PLEKHA5: variants seen among roughly 807,000 people sequenced by gnomAD.
The protein encoded by PLEKHA5 is pleckstrin homology domain-containing family A member 5.
Under a neutral mutation model 181.9 loss-of-function variants are expected in PLEKHA5, and 55 were observed. The ratio of observed to expected loss-of-function variants is 0.30; its 90% CI spans 0.24 to 0.38. PLEKHA5 has a LOEUF of 0.38. Ranked by LOEUF, PLEKHA5 falls within the 10% of genes least tolerant of loss-of-function variation. PLEKHA5 has a pLI of 1.00. For missense variants in PLEKHA5, 1,432 were observed against 1,549.5 expected, an observed-to-expected ratio of 0.92 and a Z score of 1.27; for synonymous variants, 535 against 529.4, an observed-to-expected ratio of 1.01 and a Z score of -0.15.
At chr12:19,210,343 A>G (rs2056656243) in intron 3 of PLEKHA5, among the ~76,000 whole-genome samples, 1 of 152,226 alleles carries the variant, frequency 6.6e-6, no homozygotes, top group Non-Finnish European at 1.5e-5. Flanking sequence ...TCTACTTTGT[A>G]AAGGTAACAA....
At chr12:19,336,692 C>T (rs990148080) in intron 21 of PLEKHA5, 76 bp downstream of exon 21, 22 of 778,466 alleles carry the variant, frequency 2.8e-5, no homozygotes, top group Admixed American at 2.4e-4. Flanking sequence ...GTTAGATTTA[C>T]GCATACCCAT....
intron 18 of PLEKHA5, 73 bp from the exon 19 acceptor site, chr12:19,322,237 T>C: frequency 2.3e-6 from 2 of 875,090 alleles, no homozygotes; most frequent in Non-Finnish European, 3.8e-6. Flanking sequence ...TTTTTGGTCA[T>C]ATAATGACTG....
intron 18 of PLEKHA5, 198 bp downstream of exon 18, chr12:19,320,822 A>G (rs188798692): frequency 1.4e-3 from 483 of 342,696 alleles, no homozygotes; most frequent in Middle Eastern, 3.4e-3. Context: ...TAGCAGTCCA[A>G]CGTTATTAAG....
intron 29 of PLEKHA5, among the ~76,000 whole-genome samples, chr12:19,364,349 A>G (rs2095355602): frequency 6.6e-6 from 1 of 151,934 alleles, no homozygotes. Context: ...TGTCTCTACT[A>G]AAAATACAAA....
chr12:19,353,850 G>A, intron 25 of PLEKHA5, 34 bp from the exon 26 acceptor site: 1 of 946,270 alleles, frequency 1.1e-6, no homozygotes, highest in East Asian at 2.4e-5. Flanking sequence ...TATAAAAGAT[G>A]TTTTGTAAAA....
At chr12:19,230,870 C>A (rs1447775193) in intron 3 of PLEKHA5, among the ~76,000 whole-genome samples, 1 of 152,198 alleles carries the variant, frequency 6.6e-6, no homozygotes, top group African/African-American at 2.4e-5. Flanking sequence ...CAAGGAGGCG[C>A]TGAGAGCACG....
At chr12:19,303,993 AG>A (rs74927999) in intron 15 of PLEKHA5, among the ~76,000 whole-genome samples, 9,758 of 150,354 alleles carry the variant, frequency 0.065, 504 homozygotes, top group East Asian at 0.18. Context: ...TTTTTTGTAG[AG>A]GGGGGGGTTT....
Position 19,274,558 on chromosome 12 carries a change from C to T in PLEKHA5, c.888C>T (p.Thr296=), listed in dbSNP as rs561988843. 1 of 1,611,522 alleles carries T rather than the reference C, an allele frequency of 6.2e-7. No individual in the cohort carries two copies. Among genetic ancestry groups the T allele is most frequent in the African/African-American group, 1.3e-5 (1 of 74,658 alleles). ...CTGAAAATGCACCAACTAAAGAAAC[C>T]AATAACATTCCCAACCATAGAGTGC... is the stretch of plus-strand genomic sequence containing the variant. ...ITSENAPTKE[T]NNIPNHRVLI... Residue 296 remains threonine, a synonymous_variant, in exon 11 of 32, where the codon ACC becomes ACT. Transcript: ENST00000429027.
At chr12:19,147,525 G>A (rs2039220000) in intron 3 of PLEKHA5, among the ~76,000 whole-genome samples, 1 of 151,916 alleles carries the variant, frequency 6.6e-6, no homozygotes, top group Non-Finnish European at 1.5e-5. Context: ...ACCCAGGAGT[G>A]ACTATGAAAA....
intron 21 of PLEKHA5, among the ~76,000 whole-genome samples, chr12:19,340,454 C>G (rs1443412436): frequency 7.4e-6 from 1 of 134,412 alleles, no homozygotes; most frequent in African/African-American, 2.5e-5. Flanking sequence ...GGGAGGTGTA[C>G]TCAACAGCTC....
chr12:19,333,930 A>G (rs1307540847), intron 20 of PLEKHA5, among the ~76,000 whole-genome samples: 3 of 152,012 alleles, frequency 2.0e-5, no homozygotes, highest in Admixed American at 2.0e-4. Flanking sequence ...TTTTAACTGT[A>G]TAGCCTGGCA....
chr12:19,140,213 T>C (rs1180866478), intron 3 of PLEKHA5, among the ~76,000 whole-genome samples: 3 of 152,212 alleles, frequency 2.0e-5, no homozygotes, highest in African/African-American at 7.2e-5. Context: ...AAGTACATTT[T>C]ATAGTATGTT....
intron 3 of PLEKHA5, among the ~76,000 whole-genome samples, chr12:19,250,604 T>TA (rs887051261): frequency 1.9e-4 from 29 of 150,764 alleles, no homozygotes; most frequent in Admixed American, 1.6e-3. Flanking sequence ...GATAATAAAA[T>TA]AAAAAAAAAT....
intron 3 of PLEKHA5, among the ~76,000 whole-genome samples, chr12:19,208,129 C>T (rs1285100054): frequency 6.6e-6 from 1 of 152,052 alleles, no homozygotes; most frequent in Non-Finnish European, 1.5e-5. Context: ...TTATCTAGGC[C>T]AGGTGTGGTG....
At chr12:19,364,984 AAAAG>A (rs2095379778) in intron 29 of PLEKHA5, among the ~76,000 whole-genome samples, 1 of 152,146 alleles carries the variant, frequency 6.6e-6, no homozygotes, top group African/African-American at 2.4e-5. Flanking sequence ...TAACATCACA[AAAAG>A]AAACAATCTG....
At chr12:19,165,346 G>A (rs1475487981) in intron 3 of PLEKHA5, among the ~76,000 whole-genome samples, 2 of 151,976 alleles carry the variant, frequency 1.3e-5, no homozygotes, top group Non-Finnish European at 2.9e-5. Context: ...GTGCATCTTT[G>A]CAGCTAATAC....
chr12:19,227,579 C>G (rs373461794), intron 3 of PLEKHA5, among the ~76,000 whole-genome samples: 4 of 152,154 alleles, frequency 2.6e-5, no homozygotes, highest in African/African-American at 9.7e-5. Flanking sequence ...AAATGGCTCT[C>G]ATTATGTCCA....
chr12:19,245,626 G>A (rs2063528476), intron 3 of PLEKHA5, among the ~76,000 whole-genome samples: 1 of 150,346 alleles, frequency 6.7e-6, no homozygotes, highest in Non-Finnish European at 1.5e-5. Context: ...TACTCGGGAG[G>A]CTGAGGCAGG....
At chr12:19,327,644 CTTTTTT>C (rs1038779087) in intron 20 of PLEKHA5, among the ~76,000 whole-genome samples, 4 of 41,596 alleles carry the variant, frequency 9.6e-5, no homozygotes, top group South Asian at 2.0e-3. Flanking sequence ...TTTCTTTTTT[CTTTTTT>C]TTTTTTTTTT....
Sources: allele counts gnomAD v4.1 joint callset (sites outside exome capture counted in the v4.1 genomes callset), GRCh38; gene constraint gnomAD v4.1.1; transcripts MANE v1.5; gene names NCBI Gene and HGNC (gene_info 2026-07-23, HGNC 2026-07-21).